Variants in GNPTG observed in about 807,000 individuals in gnomAD.
GNPTG encodes the protein N-acetylglucosamine-1-phosphotransferase subunit gamma.
A neutral mutation model predicts 43.8 loss-of-function variants in GNPTG; 46 were observed. That is an observed-to-expected ratio of 1.05 (90% CI 0.83 to 1.34). The LOEUF is 1.34. GNPTG is among the 40% of genes most tolerant of loss of function. The pLI, the probability that GNPTG is intolerant of heterozygous loss-of-function variation, is 0.00. For synonymous variants in GNPTG, 250 were observed against 172.8 expected (o/e 1.45, Z -3.50); for missense variants, 549 against 411.3 (o/e 1.33, Z -2.90).
At position 1,363,383 on chromosome 16, in the gene GNPTG, A is replaced by ACATTCT. The variant is rs1395763263; in HGVS notation, c.*296_*301dup. 10 of 414,754 alleles carry ACATTCT rather than the reference A, an allele frequency of 2.4e-5. No individual in the cohort carries two copies. The East Asian group carries it at 5.3e-4, about 22-fold the overall frequency. 25.7% of individuals were successfully genotyped at this position (414,754 alleles called of 1,614,324 possible). A position where few individuals can be genotyped will look rare whatever the true frequency, so the allele number is the denominator to read the frequency against. ...GGGTTAAGAAAATTCCATTCAAATA[A>ACATTCT]CATTCTCATGTAAATACTCAAACAT... On this transcript the variant is annotated 3_prime_UTR_variant, in exon 11 of 11. Coordinates refer to ENST00000204679, the MANE Select transcript of GNPTG (RefSeq NM_032520.5).
intron 3 of GNPTG, among the ~76,000 whole-genome samples, chr16:1,356,755 A>G (rs2034782542): frequency 6.6e-6 from 1 of 152,154 alleles, no homozygotes; most frequent in African/African-American, 2.4e-5. Context: ...CCCGGCGCCC[A>G]CGCCCCTCCT....
At chr16:1,357,313 T>A (rs760969895) in intron 3 of GNPTG, among the ~76,000 whole-genome samples, 87 of 152,188 alleles carry the variant, frequency 5.7e-4, no homozygotes, top group Non-Finnish European at 1.1e-3. Flanking sequence ...GAGTGGAATG[T>A]CAGGGAACAG....
chr16:1,352,216 G>A (rs779889768), intron 2 of GNPTG, 23 bp from the exon 3 acceptor site: 1 of 1,550,482 alleles, frequency 6.4e-7, no homozygotes, highest in Admixed American at 2.0e-5. Flanking sequence ...CCCGTTCCCC[G>A]CTGACCTTGC....
In GNPTG at chr16:1,352,280, C is replaced by G; in HGVS notation, c.152C>G (p.Ala51Gly). The change falls in exon 3 of 11, where the codon GCC (alanine) becomes GGC (glycine). Residue 51 changes from alanine (A) to glycine (G), a missense_variant. Ala to Gly is a moderately conservative substitution (Grantham distance 60, BLOSUM62 0). Coordinates refer to ENST00000204679, the MANE Select transcript of GNPTG (RefSeq NM_032520.5). ...TTGCCTCAGGCCAGTCGCCTCCAGG[C>G]CAAGAGGGATCCTTCACCCGTGTCT... The part of the protein sequence containing the change: ...PFLPQASRLQ[A>G]KRDPSPVSGP... 6.5e-7 allele frequency: 1 copy of G among 1,548,380 alleles called. No individual in the cohort carries two copies.
chr16:1,352,671 GTCAC>G (rs2034705826), intron 3 of GNPTG, among the ~76,000 whole-genome samples: 2 of 152,006 alleles, frequency 1.3e-5, no homozygotes, highest in African/African-American at 4.8e-5. Flanking sequence ...ATTTGTCGTT[GTCAC>G]TCGCTGTATC....
rs147955846 is a variant in GNPTG, at chr16:1,363,046, T to A, written c.873T>A (p.Ser291=). Residue 291 remains serine (S), a synonymous_variant, in exon 11 of 11, where the codon TCT becomes TCA. Coordinates refer to ENST00000204679, the MANE Select transcript of GNPTG (RefSeq NM_032520.5). ...HLGHETPRAK[S]PEQLRGDPGL... ...GCCACGAGACGCCCAGAGCCAAGTCTCCAGAGCAGCTGCGGGGTGACCCAG... is the reference window on the plus strand; with the variant it reads ...GCCACGAGACGCCCAGAGCCAAGTCACCAGAGCAGCTGCGGGGTGACCCAG... The A allele has an allele frequency of 6.2e-7, 1 of 1,613,950 alleles. No homozygotes were observed. The highest frequency in any genetic ancestry group is 2.2e-5 in the East Asian group (1 of 44,854).
rs748204437 is a variant in GNPTG at position 1,362,311 on chromosome 16, G to A, written c.517G>A (p.Ala173Thr). 2.4e-5 allele frequency: 39 copies of A among 1,612,700 alleles called. No homozygotes were observed. The highest frequency in any genetic ancestry group is 3.3e-5 in the South Asian group (3 of 91,068). The change falls in exon 7 of 11, where the codon GCC (alanine) becomes ACC (threonine). Residue 173 changes from alanine to threonine, a missense_variant. Coordinates refer to ENST00000204679, the MANE Select transcript of GNPTG (RefSeq NM_032520.5). ...GACCCCCCTCGTCTGCCACCCCCAC[G>A]CCTTGCTAGGTAGGGGTGCGGGACG... ...FETPLVCHPH[A>T]LLVYPTLPEA...
intron 3 of GNPTG, among the ~76,000 whole-genome samples, chr16:1,353,015 G>C (rs1034046323): frequency 2.7e-5 from 4 of 148,806 alleles, no homozygotes; most frequent in African/African-American, 1.0e-4. Context: ...TGTCGCCCAG[G>C]CTGGAGTGCA....
rs556859975 is a variant in GNPTG at position 1,362,387 on chromosome 16, G to A, written c.527-65G>A. 1.2e-5 allele frequency: 19 copies of A among 1,609,574 alleles called. No individual in the cohort carries two copies. In the East Asian group the frequency reaches 3.6e-4, roughly 30 times the overall value. ...CGCACGCAGCCCTGCTGGAGGCCCT[G>A]TAGTGCTGGGGGCCAGGGTTGGGAC... On this transcript the variant is annotated intron_variant, in intron 7 of 10. Transcript: ENST00000204679.
chr16:1,362,974 C>T (rs1191714637), intron 10 of GNPTG, 23 bp from the exon 11 acceptor site: 4 of 1,613,600 alleles, frequency 2.5e-6, no homozygotes, highest in Admixed American at 1.7e-5. Flanking sequence ...CAGGTGAGGA[C>T]TGGCCACCTG....
intron 3 of GNPTG, chr16:1,360,634 AAG>A (rs1348247766): frequency 1.3e-5 from 2 of 152,308 alleles, no homozygotes; most frequent in African/African-American, 4.8e-5. Flanking sequence ...AAAGAAAAAA[AAG>A]AATCTAATGC....
intron 3 of GNPTG, among the ~76,000 whole-genome samples, chr16:1,354,026 A>G (rs935146993): frequency 4.6e-5 from 7 of 152,106 alleles, no homozygotes; most frequent in Non-Finnish European, 7.4e-5. Context: ...TTTGACTCCA[A>G]ACACATCTTT....
chr16:1,361,551 G>A (rs553530932), intron 3 of GNPTG, 192 bp from the exon 4 acceptor site: 27 of 599,120 alleles, frequency 4.5e-5, no homozygotes, highest in South Asian at 4.4e-4. Context: ...GGCTGAGGCA[G>A]GAGAATGGCG....
chr16:1,355,314 A>C (rs886678903), intron 3 of GNPTG, among the ~76,000 whole-genome samples: 1 of 152,154 alleles, frequency 6.6e-6, no homozygotes, highest in African/African-American at 2.4e-5. Context: ...GATTGTGTGC[A>C]GTGGGTAGGA....
At chr16:1,359,574 C>T (rs1025259338) in intron 3 of GNPTG, among the ~76,000 whole-genome samples, 1 of 152,094 alleles carries the variant, frequency 6.6e-6, no homozygotes, top group Non-Finnish European at 1.5e-5. Context: ...GGCCTCTATG[C>T]CAGTCTTTAT....
At chr16:1,362,579 C>T in intron 8 of GNPTG, 32 bp from the exon 9 acceptor site, 1 of 1,614,162 alleles carries the variant, frequency 6.2e-7, no homozygotes, top group Non-Finnish European at 8.5e-7. Flanking sequence ...TGGCTGGGAG[C>T]TGGGTGCTGC....
At chr16:1,359,333 C>T (rs1329357425) in intron 3 of GNPTG, among the ~76,000 whole-genome samples, 1 of 151,738 alleles carries the variant, frequency 6.6e-6, no homozygotes, top group Admixed American at 6.6e-5. Flanking sequence ...GTAGCACGAT[C>T]TTGGCTCACG....
intron 3 of GNPTG, 98 bp downstream of exon 3, chr16:1,352,404 T>A: frequency 8.3e-7 from 1 of 1,206,128 alleles, no homozygotes; most frequent in Non-Finnish European, 1.2e-6. Context: ...GCCCGGAGTC[T>A]AAAGCATTGG....
intron 3 of GNPTG, chr16:1,352,575 C>G: frequency 3.9e-6 from 2 of 515,236 alleles, no homozygotes; most frequent in South Asian, 2.2e-5. Context: ...TGTGCTTTTA[C>G]GTGCGTGTCT....
Sources: allele counts gnomAD v4.1 joint callset (sites outside exome capture counted in the v4.1 genomes callset), GRCh38; gene constraint gnomAD v4.1.1; transcripts MANE v1.5; gene names NCBI Gene and HGNC (gene_info 2026-07-23, HGNC 2026-07-21).